KIAA0825: variants seen among roughly 807,000 people sequenced by gnomAD.
KIAA0825 encodes the protein uncharacterized protein KIAA0825.
A neutral mutation model predicts 147.6 loss-of-function variants in KIAA0825; 119 were observed. The ratio of observed to expected loss-of-function variants is 0.81; its 90% CI spans 0.69 to 0.94. KIAA0825 has a LOEUF of 0.94. KIAA0825 is among the 40% of genes least tolerant of loss of function. The pLI is 0.00. For missense variants in KIAA0825, 1,381 were observed against 1,472.7 expected (o/e 0.94, Z 1.02); for synonymous variants, 470 against 518.1 (o/e 0.91, Z 1.26).
At chr5:94,493,707 C>T (rs1339581508) in intron 5 of KIAA0825, among the ~76,000 whole-genome samples, 2 of 152,110 alleles carry the variant, frequency 1.3e-5, no homozygotes, top group African/African-American at 4.8e-5. Flanking sequence ...CCAGGATGGT[C>T]TCAATCTCCT....
chr5:94,218,005 G>A (rs1186883647), intron 20 of KIAA0825, among the ~76,000 whole-genome samples: 2 of 152,126 alleles, frequency 1.3e-5, no homozygotes, highest in African/African-American at 4.8e-5. Flanking sequence ...TATATGCAAT[G>A]TTTGTTTACA....
chr5:94,363,914 G>A (rs898353199), intron 20 of KIAA0825, among the ~76,000 whole-genome samples: 1 of 151,938 alleles, frequency 6.6e-6, no homozygotes, highest in African/African-American at 2.4e-5. Context: ...CTTTCTCTTG[G>A]TGATTCTTTC....
At chr5:94,344,490 T>C (rs1279274125) in intron 20 of KIAA0825, among the ~76,000 whole-genome samples, 1 of 152,204 alleles carries the variant, frequency 6.6e-6, no homozygotes, top group African/African-American at 2.4e-5. Flanking sequence ...ACAGCTGCTA[T>C]GGAAAACAAT....
chr5:94,251,710 ATTC>A (rs1775971893), intron 20 of KIAA0825, among the ~76,000 whole-genome samples: 1 of 152,072 alleles, frequency 6.6e-6, no homozygotes, highest in Admixed American at 6.6e-5. Context: ...ACCTTGAAAC[ATTC>A]TTCTTACATT....
intron 20 of KIAA0825, among the ~76,000 whole-genome samples, chr5:94,292,995 TCTCTC>T (rs1320463274): frequency 6.6e-6 from 1 of 152,156 alleles, no homozygotes; most frequent in African/African-American, 2.4e-5. Context: ...TTTTGATTCT[TCTCTC>T]TTTTTTTCTT....
intron 20 of KIAA0825, among the ~76,000 whole-genome samples, chr5:94,157,499 C>T (rs1767146189): frequency 6.6e-6 from 1 of 152,172 alleles, no homozygotes; most frequent in South Asian, 2.1e-4. Context: ...TCAGCAGTTA[C>T]AACTTTGCTC....
intron 6 of KIAA0825, among the ~76,000 whole-genome samples, chr5:94,477,880 T>C (rs1762074676): frequency 6.6e-6 from 1 of 152,212 alleles, no homozygotes; most frequent in African/African-American, 2.4e-5. Context: ...AAAATAAATC[T>C]TTCTACTTTT....
At chr5:94,300,059 A>G (rs573933592) in intron 20 of KIAA0825, among the ~76,000 whole-genome samples, 15 of 152,100 alleles carry the variant, frequency 9.9e-5, no homozygotes. Flanking sequence ...AATTTAAATG[A>G]CAAAATTGGT....
At chr5:94,288,825 G>A (rs1276287634) in intron 20 of KIAA0825, among the ~76,000 whole-genome samples, 1 of 152,162 alleles carries the variant, frequency 6.6e-6, no homozygotes, top group African/African-American at 2.4e-5. Flanking sequence ...GGAACCTGGA[G>A]TGTTCTGACA....
chr5:94,272,150 A>T (rs2150144223), intron 20 of KIAA0825, among the ~76,000 whole-genome samples: 1 of 144,672 alleles, frequency 6.9e-6, no homozygotes, highest in African/African-American at 2.5e-5. Context: ...AATTGAACTC[A>T]TGGAGATAGA....
intron 5 of KIAA0825, among the ~76,000 whole-genome samples, chr5:94,517,863 TAA>T (rs917939617): frequency 3.9e-5 from 6 of 152,210 alleles, no homozygotes; most frequent in African/African-American, 1.4e-4. Flanking sequence ...TAGATTATAG[TAA>T]TACAGGAAGG....
chr5:94,486,407 G>C (rs1227667312), intron 5 of KIAA0825, among the ~76,000 whole-genome samples: 2 of 152,026 alleles, frequency 1.3e-5, no homozygotes, highest in African/African-American at 4.8e-5. Context: ...ACTTTAAAAT[G>C]TTAGCATCAA....
intron 20 of KIAA0825, among the ~76,000 whole-genome samples, chr5:94,205,805 T>C (rs1772144867): frequency 6.6e-6 from 1 of 152,180 alleles, no homozygotes; most frequent in African/African-American, 2.4e-5. Flanking sequence ...GATTTTCCCC[T>C]ATTCCATGAC....
chr5:94,336,856 G>C (rs1229246612), intron 20 of KIAA0825, among the ~76,000 whole-genome samples: 1 of 152,048 alleles, frequency 6.6e-6, no homozygotes, highest in Non-Finnish European at 1.5e-5. Context: ...CACAATGGCG[G>C]AACTAATTTA....
rs1562284024 is a variant in KIAA0825, at chr5:94,152,850, AAAAAATTATATATATAT to A, written c.*1140_*1156del. ...AAAAAAAAAAAAAAAAAAAAAAAAA[AAAAAATTATATATATAT>A]ATATATATATATATATATATATATA... On this transcript the variant is annotated 3_prime_UTR_variant, in exon 21 of 21. Coordinates refer to ENST00000682413, the MANE Select transcript of KIAA0825 (RefSeq NM_001145678.3). 6 of 20,526 alleles carry A rather than the reference AAAAAATTATATATATAT, an allele frequency of 2.9e-4. No homozygotes were observed. The highest frequency in any genetic ancestry group is 1.0e-3 in the African/African-American group (6 of 5,988). The allele number at this position is 20,526 out of a possible 1,614,324, so 1.3% of individuals were successfully genotyped here.
chr5:94,545,351 A>G (rs749511622), intron 2 of KIAA0825, among the ~76,000 whole-genome samples: 16 of 152,178 alleles, frequency 1.1e-4, no homozygotes, highest in Non-Finnish European at 2.4e-4. Context: ...TTAAGGCAGT[A>G]TATGACCTAA....
chr5:94,536,742 C>T (rs917517664), intron 3 of KIAA0825, among the ~76,000 whole-genome samples: 3 of 152,140 alleles, frequency 2.0e-5, no homozygotes, highest in African/African-American at 4.8e-5. Flanking sequence ...TCTAAGAAAA[C>T]ATTAGTGCCA....
At chr5:94,420,350 C>CA (rs543754907) in intron 14 of KIAA0825, among the ~76,000 whole-genome samples, 59 of 152,174 alleles carry the variant, frequency 3.9e-4, no homozygotes, top group African/African-American at 1.3e-3. Context: ...TTACTTGTCC[C>CA]AAGGTCACAA....
chr5:94,434,851 C>T (rs1234022154), intron 14 of KIAA0825, among the ~76,000 whole-genome samples: 4 of 152,150 alleles, frequency 2.6e-5, no homozygotes, highest in African/African-American at 4.8e-5. Flanking sequence ...CATGCCCTAT[C>T]GACTCTTAAA....
Sources: allele counts gnomAD v4.1 joint callset (sites outside exome capture counted in the v4.1 genomes callset), GRCh38; gene constraint gnomAD v4.1.1; transcripts MANE v1.5; gene names NCBI Gene and HGNC (gene_info 2026-07-23, HGNC 2026-07-21).